Variants in CDH13 observed in about 807,000 individuals in gnomAD.
The protein encoded by CDH13 is cadherin-13.
Under a neutral mutation model 63.8 loss-of-function variants are expected in CDH13, and 24 were observed. That is an observed-to-expected ratio of 0.38 (90% CI 0.27 to 0.53). CDH13 has a LOEUF of 0.53. CDH13 is among the 20% of genes least tolerant of loss of function. The probability of loss-of-function intolerance (pLI) is 0.85; values close to 1 mark genes in which losing one functional copy is unlikely to be tolerated. For synonymous variants in CDH13, 503 were observed against 355.3 expected (o/e 1.42, Z -4.67); for missense variants, 1,049 against 903.1 (o/e 1.16, Z -2.07).
intron 7 of CDH13, among the ~76,000 whole-genome samples, chr16:83,596,147 A>G (rs1289760147): frequency 6.6e-6 from 1 of 152,190 alleles, no homozygotes; most frequent in African/African-American, 2.4e-5. Flanking sequence ...GTTGACCTTG[A>G]TAATGGGGCC....
intron 2 of CDH13, among the ~76,000 whole-genome samples, chr16:83,014,920 A>G (rs1318808546): frequency 6.8e-6 from 1 of 147,070 alleles, no homozygotes; most frequent in Admixed American, 6.9e-5. Flanking sequence ...TTACTACTAC[A>G]CAGTTGGTAA....
At chr16:82,752,241 C>T (rs1184600082) in intron 1 of CDH13, among the ~76,000 whole-genome samples, 3 of 152,136 alleles carry the variant, frequency 2.0e-5, no homozygotes, top group Non-Finnish European at 2.9e-5. Flanking sequence ...GAATAATAAT[C>T]GGAAATGTAA....
chr16:83,100,083 A>T (rs1427525005), intron 3 of CDH13, among the ~76,000 whole-genome samples: 1 of 152,126 alleles, frequency 6.6e-6, no homozygotes, highest in African/African-American at 2.4e-5. Context: ...TAGACTTTTC[A>T]ACTAGATTAA....
chr16:82,744,393 T>C (rs2034066882), intron 1 of CDH13, among the ~76,000 whole-genome samples: 1 of 151,490 alleles, frequency 6.6e-6, no homozygotes, highest in East Asian at 1.9e-4. Context: ...CATCTATCTG[T>C]GGGTAGCAGT....
chr16:82,681,037 C>A (rs150969169), intron 1 of CDH13, among the ~76,000 whole-genome samples: 172 of 152,312 alleles, frequency 1.1e-3, no homozygotes, highest in African/African-American at 4.0e-3. Context: ...AATGAGGATG[C>A]AGATGAGAGC....
intron 4 of CDH13, among the ~76,000 whole-genome samples, chr16:83,146,886 G>A (rs1313616287): frequency 2.6e-5 from 4 of 152,174 alleles, no homozygotes; most frequent in South Asian, 2.1e-4. Context: ...TCAGGAGTTC[G>A]AAGTTAGCCT....
chr16:83,445,974 C>T (rs2072675491), intron 6 of CDH13, among the ~76,000 whole-genome samples: 1 of 152,138 alleles, frequency 6.6e-6, no homozygotes, highest in Admixed American at 6.5e-5. Flanking sequence ...CCCCATCCCT[C>T]CCCCATCAAA....
intron 5 of CDH13, among the ~76,000 whole-genome samples, chr16:83,245,236 C>A (rs974494379): frequency 6.6e-6 from 1 of 152,200 alleles, no homozygotes; most frequent in East Asian, 1.9e-4. Flanking sequence ...TCTGCCACCC[C>A]CCACTGTACA....
At chr16:83,536,478 G>T (rs1171432252) in intron 7 of CDH13, among the ~76,000 whole-genome samples, 3 of 152,116 alleles carry the variant, frequency 2.0e-5, no homozygotes, top group African/African-American at 7.2e-5. Context: ...GGTGAGCAAA[G>T]GTCCTGTGGC....
chr16:83,503,711 A>G (rs190122372), intron 7 of CDH13, among the ~76,000 whole-genome samples: 1 of 152,242 alleles, frequency 6.6e-6, no homozygotes, highest in Admixed American at 6.5e-5. Flanking sequence ...TTCTGTTCAT[A>G]TCCTTCGCCT....
chr16:83,338,183 T>TAA (rs1408439057), intron 5 of CDH13, among the ~76,000 whole-genome samples: 14 of 56,470 alleles, frequency 2.5e-4, no homozygotes, highest in East Asian at 1.0e-3. Context: ...CCTCTTCTTT[T>TAA]TAAAAAAAAA....
chr16:83,236,711 T>C (rs576781134), intron 5 of CDH13, among the ~76,000 whole-genome samples: 82 of 152,054 alleles, frequency 5.4e-4, no homozygotes, highest in Admixed American at 1.4e-3. Flanking sequence ...AATTCATGAA[T>C]GGATAAACAA....
chr16:83,180,750 A>G (rs748248604), intron 4 of CDH13: 2 of 698,424 alleles, frequency 2.9e-6, no homozygotes, highest in Non-Finnish European at 4.9e-6. Context: ...CGGTCACTCT[A>G]GGTAATGTTC....
intron 1 of CDH13, among the ~76,000 whole-genome samples, chr16:82,710,960 A>G (rs1185304764): frequency 6.6e-6 from 1 of 151,810 alleles, no homozygotes; most frequent in African/African-American, 2.4e-5. Context: ...ACATTAAAAA[A>G]AAAAGCTAGT....
chr16:83,365,590 C>G (rs2091244054), intron 6 of CDH13, among the ~76,000 whole-genome samples: 1 of 152,136 alleles, frequency 6.6e-6, no homozygotes, highest in African/African-American at 2.4e-5. Flanking sequence ...AGGAGACTTT[C>G]TTAGTGTAAT....
At chr16:83,408,814 A>G (rs1309688641) in intron 6 of CDH13, among the ~76,000 whole-genome samples, 1 of 152,172 alleles carries the variant, frequency 6.6e-6, no homozygotes, top group Non-Finnish European at 1.5e-5. Flanking sequence ...ATATAAACCT[A>G]TATATCCCCA....
intron 1 of CDH13, among the ~76,000 whole-genome samples, chr16:82,672,255 A>G (rs535047020): frequency 6.6e-6 from 1 of 152,360 alleles, no homozygotes; most frequent in East Asian, 1.9e-4. Flanking sequence ...ATAAGAGTCA[A>G]CTGATATAAT....
chr16:83,775,271 C>A (rs913824031), intron 11 of CDH13, among the ~76,000 whole-genome samples: 1 of 151,808 alleles, frequency 6.6e-6, no homozygotes, highest in African/African-American at 2.4e-5. Context: ...ATCTGCGTGT[C>A]TGTGGACTCT....
chr16:82,970,142 T>G (rs1009865086), intron 2 of CDH13, among the ~76,000 whole-genome samples: 1 of 152,218 alleles, frequency 6.6e-6, no homozygotes, highest in Admixed American at 6.5e-5. Flanking sequence ...TGTGTTCTTA[T>G]CGTTCACCTC....
Sources: gnomAD v4.1 joint callset for allele counts (sites outside exome capture counted in the v4.1 genomes callset) on GRCh38, gnomAD v4.1.1 for gene constraint, MANE v1.5 for transcripts, NCBI Gene and HGNC (gene_info 2026-07-23, HGNC 2026-07-21) for gene names.